Variants in ATP2B2 observed in about 807,000 individuals in gnomAD.
ATP2B2 encodes the protein ATPase plasma membrane Ca2+ transporting 2.
Under a neutral mutation model 120.0 loss-of-function variants are expected in ATP2B2, and 15 were observed. The observed-to-expected ratio is 0.12, with a 90% confidence interval of 0.08 to 0.19. The LOEUF (loss-of-function observed/expected upper bound fraction) is 0.19, where lower values mean the gene tolerates loss of function less well. ATP2B2 is among the 10% of genes least tolerant of loss of function. The probability of loss-of-function intolerance (pLI) is 1.00; values close to 1 mark genes in which losing one functional copy is unlikely to be tolerated. For missense variants in ATP2B2, 1,045 were observed against 1,719.8 expected, an observed-to-expected ratio of 0.61 and a Z score of 6.94; for synonymous variants, 694 against 700.3, an observed-to-expected ratio of 0.99 and a Z score of 0.14.
At position 10,371,577 on chromosome 3, in the gene ATP2B2, C is replaced by T. The variant is rs73129301; in HGVS notation, c.1659+232G>A. On this transcript the variant is annotated intron_variant, in intron 12 of 22. Transcript: ENST00000360273. ...GTGGGCAGGGGGAGTGGGGGTTCAA[C>T]GACAGGATTTAAAAAGCATAATTAA... 3.3e-3 allele frequency among the ~76,000 whole-genome samples: 502 copies of T among 152,194 alleles called. 3 individuals carry two copies. Among genetic ancestry groups the T allele is most frequent in the African/African-American group, 0.011 (475 of 41,506 alleles).
intron 1 of ATP2B2, among the ~76,000 whole-genome samples, chr3:10,455,169 C>G (rs2064206548): frequency 6.6e-6 from 1 of 152,140 alleles, no homozygotes; most frequent in Non-Finnish European, 1.5e-5. Flanking sequence ...GCTAGTGATT[C>G]CTACCCTGCC....
At chr3:10,620,621 G>T (rs988498691) in intron 1 of ATP2B2, among the ~76,000 whole-genome samples, 5 of 152,182 alleles carry the variant, frequency 3.3e-5, no homozygotes, top group Non-Finnish European at 5.9e-5. Flanking sequence ...CTTCCAGAGA[G>T]GGCTGTGCAG....
chr3:10,521,927 G>C (rs544401444), intron 3 of ATP2B2, among the ~76,000 whole-genome samples: 1 of 152,294 alleles, frequency 6.6e-6, no homozygotes, highest in Non-Finnish European at 1.5e-5. Context: ...GAGTCAGCGA[G>C]GGGAGGTAAC....
At chr3:10,337,615 C>T (rs2060155644) in intron 22 of ATP2B2, among the ~76,000 whole-genome samples, 1 of 152,140 alleles carries the variant, frequency 6.6e-6, no homozygotes, top group South Asian at 2.1e-4. Context: ...ACCTGTGCTC[C>T]CCTGGTGTGC....
At chr3:10,588,475 A>T (rs2068567167) in intron 2 of ATP2B2, among the ~76,000 whole-genome samples, 1 of 152,180 alleles carries the variant, frequency 6.6e-6, no homozygotes, top group Admixed American at 6.5e-5. Flanking sequence ...TCCACAATTC[A>T]CAGCAGCAGT....
At chr3:10,460,939 T>TA (rs1478433551) in intron 1 of ATP2B2, among the ~76,000 whole-genome samples, 1 of 152,162 alleles carries the variant, frequency 6.6e-6, no homozygotes, top group Non-Finnish European at 1.5e-5. Flanking sequence ...TGCCAGGGGA[T>TA]GTGTCTAAGT....
chr3:10,498,958 G>A (rs2066270732), intron 1 of ATP2B2, among the ~76,000 whole-genome samples: 1 of 152,194 alleles, frequency 6.6e-6, no homozygotes, highest in Admixed American at 6.5e-5. Flanking sequence ...GGTTCCATTT[G>A]AGACATTACC....
chr3:10,444,698 G>A (rs1184565392), intron 2 of ATP2B2, among the ~76,000 whole-genome samples: 1 of 152,180 alleles, frequency 6.6e-6, no homozygotes, highest in Admixed American at 6.5e-5. Context: ...AACCCGAGGT[G>A]GGTGCAGGTG....
chr3:10,635,136 A>T lies in ATP2B2; in HGVS notation c.-459-15175T>A. Among the ~76,000 whole-genome samples, 1 of 151,996 alleles carries T rather than the reference A, an allele frequency of 6.6e-6. No individual in the cohort carries two copies. ...ACAATACGGAGCAGGAGGTACTGTG[A>T]GGATATGGAAAGTGTCACTACTCAG... is the stretch of plus-strand genomic sequence containing the variant. On this transcript the variant is annotated intron_variant, in intron 1 of 21. Transcript: ENST00000646379. This position sits in a 1 kb window ranked among gnomAD's most constrained non-coding sequence, Gnocchi z 4.3.
At chr3:10,583,986 G>T (rs556259787) in intron 2 of ATP2B2, among the ~76,000 whole-genome samples, 32 of 152,340 alleles carry the variant, frequency 2.1e-4, no homozygotes, top group African/African-American at 6.7e-4. Context: ...CGCTGGCCAG[G>T]TGCCTGCTGC....
intron 2 of ATP2B2, 90 bp downstream of exon 2, chr3:10,449,255 G>A: frequency 1.4e-6 from 2 of 1,392,502 alleles, no homozygotes; most frequent in South Asian, 1.2e-5. Context: ...ACACATCCCT[G>A]CTGTTACATA....
intron 2 of ATP2B2, among the ~76,000 whole-genome samples, chr3:10,616,720 T>C (rs2069398906): frequency 1.3e-5 from 2 of 152,072 alleles, no homozygotes; most frequent in Non-Finnish European, 2.9e-5. Flanking sequence ...GGGCAGAGGA[T>C]TTTTTCTTAA....
At chr3:10,585,587 C>T (rs2068492455) in intron 2 of ATP2B2, among the ~76,000 whole-genome samples, 1 of 150,780 alleles carries the variant, frequency 6.6e-6, no homozygotes, top group African/African-American at 2.4e-5. Context: ...TTCTCCTGTG[C>T]CTCACCTTCC....
At chr3:10,350,353 A>G (rs762099644) in intron 15 of ATP2B2, 45 bp downstream of exon 15, 2 of 1,613,582 alleles carry the variant, frequency 1.2e-6, no homozygotes, top group Non-Finnish European at 8.5e-7. Flanking sequence ...CCCAGCTCCC[A>G]TCTGAGCGCG....
At chr3:10,581,402 G>A (rs1413368324) in intron 2 of ATP2B2, among the ~76,000 whole-genome samples, 3 of 152,214 alleles carry the variant, frequency 2.0e-5, no homozygotes, top group Non-Finnish European at 4.4e-5. Context: ...ATCTGGAAGA[G>A]CCCACAAAGG....
chr3:10,663,290 C>G (rs1326449775), intron 1 of ATP2B2, among the ~76,000 whole-genome samples: 1 of 152,050 alleles, frequency 6.6e-6, no homozygotes, highest in Non-Finnish European at 1.5e-5. Flanking sequence ...TCAGTTCCCT[C>G]ATCTGGAAAT....
chr3:10,386,362 C>T, intron 7 of ATP2B2, 118 bp downstream of exon 7: 1 of 1,183,088 alleles, frequency 8.5e-7, no homozygotes, highest in South Asian at 1.2e-5. Flanking sequence ...GGGGTGGAGC[C>T]ACCCACAGGC....
chr3:10,584,682 C>T (rs1559471464), intron 2 of ATP2B2, among the ~76,000 whole-genome samples: 2 of 152,174 alleles, frequency 1.3e-5, no homozygotes, highest in African/African-American at 4.8e-5. Context: ...GCCTTAACTC[C>T]TTAATTATTT....
intron 2 of ATP2B2, among the ~76,000 whole-genome samples, chr3:10,563,653 G>A (rs1422982677): frequency 6.6e-6 from 1 of 152,258 alleles, no homozygotes; most frequent in African/African-American, 2.4e-5. Flanking sequence ...TGGGGCTGAT[G>A]CTGTGGCTGC....
Sources: allele counts gnomAD v4.1 joint callset (sites outside exome capture counted in the v4.1 genomes callset), GRCh38; gene constraint gnomAD v4.1.1; non-coding constraint Gnocchi (gnomAD v3.1); transcripts MANE v1.5; gene names NCBI Gene and HGNC (gene_info 2026-07-23, HGNC 2026-07-21).